Variants in PHACTR2 observed in about 807,000 individuals in gnomAD.
PHACTR2 encodes the protein chromosome 6 open reading frame 56.
PHACTR2 carries 30 observed loss-of-function variants against 76.0 expected under a neutral mutation model. The ratio of observed to expected loss-of-function variants is 0.39; its 90% CI spans 0.30 to 0.54. The LOEUF (loss-of-function observed/expected upper bound fraction) is 0.54. PHACTR2 is among the 20% of genes least tolerant of loss of function. The pLI is 0.61. For synonymous variants in PHACTR2, 292 were observed against 292.5 expected (o/e 1.00, Z 0.02); for missense variants, 696 against 781.1 (o/e 0.89, Z 1.30).
At position 143,664,601 on chromosome 6, in the gene PHACTR2, T is replaced by C. The variant is rs1453203349; in HGVS notation, c.14-47415T>C. Among the ~76,000 whole-genome samples, 1 of 152,162 alleles carries C rather than the reference T, an allele frequency of 6.6e-6. No individual in the cohort carries two copies. The highest frequency in any genetic ancestry group is 1.5e-5 in the Non-Finnish European group (1 of 68,020). ...AACAGTTACTTTTTCTAACAAAGTTTAAAATTATTTAGTACATATATCTTT... is the reference window on the plus strand; with the variant it reads ...AACAGTTACTTTTTCTAACAAAGTTCAAAATTATTTAGTACATATATCTTT... On this transcript the variant is annotated intron_variant, in intron 1 of 11. Coordinates refer to the PHACTR2 transcript ENST00000305766. This position sits in a 1 kb window ranked among gnomAD's most constrained non-coding sequence, Gnocchi z 5.1.
At chr6:143,667,960 G>A (rs1020263412) in intron 1 of PHACTR2, among the ~76,000 whole-genome samples, 7 of 152,138 alleles carry the variant, frequency 4.6e-5, no homozygotes, top group Non-Finnish European at 1.0e-4. Flanking sequence ...TCTTGTGCTG[G>A]TTTTCAAAGG....
chr6:143,743,044 G>A lies in PHACTR2; in HGVS notation c.215-5941G>A, dbSNP rs191669017. On this transcript the variant is annotated intron_variant, in intron 2 of 12. Transcript: ENST00000440869. The surrounding 1 kb of genome is among the most constrained non-coding windows in gnomAD (Gnocchi z 5.0). ...GCTATCTCTCCATTTTGCAGATGAG[G>A]ACGCTGAGGCACAGAGAAGTTGGTT... 1.3e-5 allele frequency among the ~76,000 whole-genome samples: 2 copies of A among 152,326 alleles called. No individual in the cohort carries two copies. Among genetic ancestry groups the A allele is most frequent in the East Asian group, 3.9e-4 (2 of 5,188 alleles).
At chr6:143,725,158 T>C (rs1430243196) in intron 2 of PHACTR2, among the ~76,000 whole-genome samples, 1 of 151,548 alleles carries the variant, frequency 6.6e-6, no homozygotes, top group Non-Finnish European at 1.5e-5. Flanking sequence ...AGTCAGGATA[T>C]ATCAGAGTTC....
At chr6:143,606,353 G>A (rs1334431624), upstream of PHACTR2, among the ~76,000 whole-genome samples, 1 of 152,136 alleles carries the variant, frequency 6.6e-6, no homozygotes, top group Non-Finnish European at 1.5e-5. Context: ...AGTGCTTAAT[G>A]GACTGGCCTT....
chr6:143,682,295 G>C (rs921396217), intron 1 of PHACTR2, among the ~76,000 whole-genome samples: 1 of 152,148 alleles, frequency 6.6e-6, no homozygotes, highest in African/African-American at 2.4e-5. Context: ...CTTATCCACT[G>C]CACCCTCAAC....
chr6:143,628,438 T>C (rs1176842695), intron 1 of PHACTR2, among the ~76,000 whole-genome samples: 1 of 152,188 alleles, frequency 6.6e-6, no homozygotes, highest in Admixed American at 6.5e-5. Context: ...TTTCCTTGCC[T>C]TTACCGACTT....
At position 143,775,795 on chromosome 6, in the gene PHACTR2, C is replaced by G. The variant is rs1483468143; in HGVS notation, c.1590-1533C>G. Among the ~76,000 whole-genome samples the G allele has an allele frequency of 2.0e-5, 3 of 152,076 alleles. No homozygotes were observed. The highest frequency in any genetic ancestry group is 4.4e-5 in the Non-Finnish European group (3 of 68,022). ...GTAAAAAAGTGTGAAGTATCCTATA[C>G]CCACCTCAATAAATGTCAAAGTAGC... On this transcript the variant is annotated intron_variant, in intron 8 of 12. Coordinates refer to ENST00000440869, the MANE Select transcript of PHACTR2 (RefSeq NM_001100164.2). The surrounding 1 kb of genome is among the most constrained non-coding windows in gnomAD (Gnocchi z 4.4).
rs1776899118 is a variant in PHACTR2 at position 143,658,929 on chromosome 6, C to T, written c.13+50607C>T. 6.6e-6 allele frequency among the ~76,000 whole-genome samples: 1 copy of T among 151,574 alleles called. No homozygotes were observed. Among genetic ancestry groups the T allele is most frequent in the African/African-American group, 2.4e-5 (1 of 41,194 alleles). On this transcript the variant is annotated intron_variant, in intron 1 of 11. Transcript: ENST00000305766. The surrounding 1 kb of genome is among the most constrained non-coding windows in gnomAD (Gnocchi z 4.1). ...AATCTCAGCTGCTCTGAGGCTGAGG[C>T]AGGAGAATCGCTTGAACCCAGGAGG...
At chr6:143,786,058 T>G (rs970047449) in intron 10 of PHACTR2, among the ~76,000 whole-genome samples, 2 of 152,224 alleles carry the variant, frequency 1.3e-5, no homozygotes, top group African/African-American at 4.8e-5. Flanking sequence ...GAATTTCTCC[T>G]CAAAAAATGG....
In PHACTR2 at chr6:143,550,012, T is replaced by C. The variant is rs2128427262; in HGVS notation, c.217+12805T>C. On this transcript the variant is annotated intron_variant, in intron 1 of 11. Coordinates refer to the PHACTR2 transcript ENST00000367584. The surrounding 1 kb of genome is among the most constrained non-coding windows in gnomAD (Gnocchi z 4.8). ...ACACCAGAAAGTGCCAAGGCTACCA[T>C]TTTTTGCTAGGTGGGAGTTGGAGTG... Among the ~76,000 whole-genome samples, 1 of 152,122 alleles carries C rather than the reference T, an allele frequency of 6.6e-6. No individual in the cohort carries two copies. Among genetic ancestry groups the C allele is most frequent in the South Asian group, 2.1e-4 (1 of 4,810 alleles).
At position 143,553,177 on chromosome 6, in the gene PHACTR2, C is replaced by T. The variant is rs1346537120; in HGVS notation, c.217+15970C>T. Reference sequence around the variant, plus strand: ...TCTCTATTATGTGCCAGTGAGAAAACAAAAATCCAGCTCATAGAGACTGCA... The same window carrying T: ...TCTCTATTATGTGCCAGTGAGAAAATAAAAATCCAGCTCATAGAGACTGCA... On this transcript the variant is annotated intron_variant, in intron 1 of 11. Coordinates refer to the PHACTR2 transcript ENST00000367584. This position sits in a 1 kb window ranked among gnomAD's most constrained non-coding sequence, Gnocchi z 4.2. Among the ~76,000 whole-genome samples, 1 of 152,136 alleles carries T rather than the reference C, an allele frequency of 6.6e-6. No homozygotes were observed. Among genetic ancestry groups the T allele is most frequent in the African/African-American group, 2.4e-5 (1 of 41,426 alleles).
chr6:143,563,428 CACCTGTAGTTCCAGGT>C (rs1775309272), intron 1 of PHACTR2, among the ~76,000 whole-genome samples: 2 of 151,624 alleles, frequency 1.3e-5, no homozygotes, highest in Non-Finnish European at 2.9e-5. Context: ...TGGTGGCACA[CACCTGTAGTTCCAGGT>C]ACTCAGGAGG....
upstream of PHACTR2, among the ~76,000 whole-genome samples, chr6:143,674,373 A>C (rs529472954): frequency 6.6e-6 from 1 of 152,222 alleles, no homozygotes; most frequent in Non-Finnish European, 1.5e-5. This position sits in a 1 kb window ranked among gnomAD's most constrained non-coding sequence, Gnocchi z 4.9. Flanking sequence ...TTAGTATACT[A>C]TTAGGAAAAC....
intron 12 of PHACTR2, among the ~76,000 whole-genome samples, chr6:143,812,683 T>C (rs1001674563): frequency 6.6e-6 from 1 of 152,240 alleles, no homozygotes; most frequent in Admixed American, 6.5e-5. Context: ...TACCAAGCCC[T>C]AACCTCAGTT....
At position 143,800,163 on chromosome 6, in the gene PHACTR2, T is replaced by C. The variant is rs1033157638; in HGVS notation, c.1846-6894T>C. ...CCTTCTTTGTCTCTTTTGATCTTTG[T>C]TGGTTTAAAGTCTGTTTTATCAGAG... On this transcript the variant is annotated intron_variant, in intron 11 of 12. Coordinates refer to ENST00000440869, the MANE Select transcript of PHACTR2 (RefSeq NM_001100164.2). This position sits in a 1 kb window ranked among gnomAD's most constrained non-coding sequence, Gnocchi z 4.8. Among the ~76,000 whole-genome samples the C allele has an allele frequency of 4.6e-5, 7 of 152,352 alleles. No individual in the cohort carries two copies. Among genetic ancestry groups the C allele is most frequent in the Non-Finnish European group, 8.8e-5 (6 of 68,032 alleles).
rs923667882 is a variant in PHACTR2, at chr6:143,733,525, G to A, written c.215-15460G>A. On this transcript the variant is annotated intron_variant, in intron 2 of 12. Transcript: ENST00000440869. The surrounding 1 kb of genome is among the most constrained non-coding windows in gnomAD (Gnocchi z 4.0). ...TGGAAAGTGCTGGATTTGGGGTGAG[G>A]GGTAGGGAATGACTGCTTGTTTTCA... Among the ~76,000 whole-genome samples, 2 of 152,040 alleles carry A rather than the reference G, an allele frequency of 1.3e-5. No individual in the cohort carries two copies. Among genetic ancestry groups the A allele is most frequent in the African/African-American group, 4.8e-5 (2 of 41,436 alleles).
intron 1 of PHACTR2, 100 bp from the exon 2 acceptor site, chr6:143,711,916 T>A: frequency 1.0e-6 from 1 of 975,340 alleles, no homozygotes; most frequent in Admixed American, 1.7e-5. Flanking sequence ...CCAATTAGAG[T>A]GGACGTGCTT....
chr6:143,759,096 A>C (rs1167149275), intron 4 of PHACTR2, among the ~76,000 whole-genome samples: 1 of 152,158 alleles, frequency 6.6e-6, no homozygotes, highest in Non-Finnish European at 1.5e-5. Context: ...TTTTAGTTTA[A>C]TTCTCATCAG....
At chr6:143,634,693 A>G (rs538078571) in intron 1 of PHACTR2, among the ~76,000 whole-genome samples, 1 of 152,330 alleles carries the variant, frequency 6.6e-6, no homozygotes, top group South Asian at 2.1e-4. Flanking sequence ...TCTGTGTTAT[A>G]AGGTGTCAGG....
Sources: gnomAD v4.1 joint callset for allele counts (sites outside exome capture counted in the v4.1 genomes callset) on GRCh38, gnomAD v4.1.1 for gene constraint, Gnocchi (gnomAD v3.1) non-coding constraint, MANE v1.5 for transcripts, NCBI Gene and HGNC (gene_info 2026-07-23, HGNC 2026-07-21) for gene names.